The following HTT variants were observed in gnomAD, a reference collection of about 807,000 sequenced individuals.
The protein encoded by HTT is huntingtin.
In HTT, 104 loss-of-function variants were observed where a neutral mutation model predicts 362.3. The ratio of observed to expected loss-of-function variants is 0.29; its 90% CI spans 0.24 to 0.34. HTT has a LOEUF of 0.34. Ranked by LOEUF, HTT falls within the 10% of genes least tolerant of loss-of-function variation. The pLI is 1.00. For missense variants in HTT, 3,301 were observed against 3,928.6 expected (o/e 0.84, Z 4.27); for synonymous variants, 1,577 against 1,548.7 (o/e 1.02, Z -0.43).
In HTT at chr4:3,213,152, G is replaced by A. The variant is rs362332; in HGVS notation, c.6774+443G>A. 194 of 165,528 alleles carry A rather than the reference G, an allele frequency of 1.2e-3. 5 individuals carry two copies. In the East Asian group the frequency reaches 0.027, roughly 23 times the overall value. 10.3% of individuals were successfully genotyped at this position (165,528 alleles called of 1,614,324 possible). A position where few individuals can be genotyped will look rare whatever the true frequency, so the allele number is the denominator to read the frequency against. On this transcript the variant is annotated intron_variant, in intron 49 of 66. Coordinates refer to ENST00000355072, the MANE Select transcript of HTT (RefSeq NM_001388492.1). ...TTAAAGGGCCATCGCTGTGCTGCCT[G>A]CCCTCAGCAAGGACACACTTTGCAG...
chr4:3,106,386 T>C (rs1714424429), intron 5 of HTT, among the ~76,000 whole-genome samples: 1 of 152,168 alleles, frequency 6.6e-6, no homozygotes. Flanking sequence ...AGAACTTATA[T>C]GGCTGCAGAG....
intron 33 of HTT, among the ~76,000 whole-genome samples, chr4:3,176,997 C>T (rs1275097670): frequency 2.0e-5 from 3 of 152,182 alleles, no homozygotes; most frequent in Non-Finnish European, 4.4e-5. Context: ...ATTACTAAAC[C>T]AGTTTCAGGG....
chr4:3,087,128 A>G, intron 2 of HTT, 106 bp downstream of exon 2: 1 of 604,692 alleles, frequency 1.7e-6, no homozygotes, highest in Non-Finnish European at 3.0e-6. Flanking sequence ...TGGATTCAGA[A>G]ATCCATTTAA....
intron 2 of HTT, among the ~76,000 whole-genome samples, chr4:3,090,998 G>A (rs1034127506): frequency 1.3e-5 from 2 of 152,218 alleles, no homozygotes; most frequent in Non-Finnish European, 2.9e-5. Flanking sequence ...TGTAGTCCCA[G>A]CTACTTGGGA....
intron 45 of HTT, 44 bp from the exon 46 acceptor site, chr4:3,208,729 A>C (rs3025825): frequency 0.099 from 151,351 of 1,534,674 alleles, 8,456 homozygotes; most frequent in African/African-American, 0.2. Flanking sequence ...TAAAAAAAAA[A>C]AAAAACAAAT....
At chr4:3,183,568 C>G (rs1041754177) in intron 37 of HTT, among the ~76,000 whole-genome samples, 1 of 152,218 alleles carries the variant, frequency 6.6e-6, no homozygotes, top group East Asian at 1.9e-4. Context: ...GCCTTCATGA[C>G]TGCACCCCCA....
At position 3,074,929 on chromosome 4, in the gene HTT, AGCAG is replaced by A. The variant is rs1712407358; in HGVS notation, c.105_108del (p.Gln35HisfsTer65). The A allele has an allele frequency of 4.2e-6, 6 of 1,418,856 alleles. No individual in the cohort carries two copies. The highest frequency in any genetic ancestry group is 1.3e-5 in the South Asian group (1 of 77,558). The allele number at this position is 1,418,856 out of a possible 1,614,324, so 87.9% of individuals were successfully genotyped here. Reference sequence around the variant, plus strand: ...CAGCAGCAGCAGCAGCAGCAGCAGCAGCAGCAACAGCCGCCACCGCCGCCGCCGC... The same window carrying A: ...CAGCAGCAGCAGCAGCAGCAGCAGCACAACAGCCGCCACCGCCGCCGCCGC... On this transcript the variant is annotated frameshift_variant, in exon 1 of 67. Coordinates refer to ENST00000355072, the MANE Select transcript of HTT (RefSeq NM_001388492.1). LOFTEE classifies it high-confidence loss of function.
At chr4:3,233,807 G>C (rs1721377804) in intron 61 of HTT, among the ~76,000 whole-genome samples, 1 of 152,192 alleles carries the variant, frequency 6.6e-6, no homozygotes, top group African/African-American at 2.4e-5. Flanking sequence ...ACGTGTCCTT[G>C]ACAAAGCACG....
chr4:3,215,312 G>A (rs922948085), intron 51 of HTT, 101 bp downstream of exon 51: 6 of 781,134 alleles, frequency 7.7e-6, no homozygotes, highest in South Asian at 3.3e-5. Flanking sequence ...TCCTGGAAGC[G>A]CACCGTAGCT....
In HTT at chr4:3,218,817, A is replaced by C. The variant is rs371659074; in HGVS notation, c.7242+865A>C. On this transcript the variant is annotated intron_variant, in intron 52 of 66. Coordinates refer to ENST00000355072, the MANE Select transcript of HTT (RefSeq NM_001388492.1). This position sits in a 1 kb window ranked among gnomAD's most constrained non-coding sequence, Gnocchi z 4.4. ...GTTCCTTAGGGCCTGCAGCATCCTC[A>C]GGCAGGAAAGAAAGGCCGACCTGGC... is the stretch of plus-strand genomic sequence containing the variant. Among the ~76,000 whole-genome samples the C allele has an allele frequency of 6.6e-5, 10 of 152,294 alleles. No individual in the cohort carries two copies. The highest frequency in any genetic ancestry group is 2.4e-4 in the African/African-American group (10 of 41,558).
At chr4:3,213,015 A>C (rs980751528) in intron 49 of HTT, 1 of 322,318 alleles carries the variant, frequency 3.1e-6, no homozygotes, top group South Asian at 4.4e-5. Flanking sequence ...TTATGTCTTA[A>C]GTTGGCCTGG....
intron 53 of HTT, among the ~76,000 whole-genome samples, chr4:3,220,751 G>A (rs570838232): frequency 5.9e-5 from 9 of 152,198 alleles, no homozygotes; most frequent in Admixed American, 2.0e-4. Flanking sequence ...CTTGGCACTC[G>A]CCTTCCCCAG....
chr4:3,077,254 G>GGATT (rs1257546011), intron 1 of HTT, among the ~76,000 whole-genome samples: 1 of 151,678 alleles, frequency 6.6e-6, no homozygotes, highest in Non-Finnish European at 1.5e-5. Flanking sequence ...ATTACAAAAG[G>GGATT]GCAATAATTA....
At chr4:3,112,021 T>A (rs1340722740) in intron 6 of HTT, among the ~76,000 whole-genome samples, 1 of 152,242 alleles carries the variant, frequency 6.6e-6, no homozygotes, top group Admixed American at 6.5e-5. Flanking sequence ...CAGTCAGTTA[T>A]GTAGCTCTTG....
intron 1 of HTT, among the ~76,000 whole-genome samples, 188 bp downstream of exon 1, chr4:3,075,276 C>T (rs1251949142): frequency 6.6e-6 from 1 of 152,228 alleles, no homozygotes; most frequent in Non-Finnish European, 1.5e-5. Flanking sequence ...CCCACTTCAG[C>T]CCCGCTCCCT....
At position 3,125,576 on chromosome 4, in the gene HTT, C is replaced by G. The variant is rs545932099; in HGVS notation, c.1349C>G (p.Ala450Gly). The change falls in exon 11 of 67, where the codon GCC becomes GGC. Residue 450 changes from alanine (A) to glycine (G), a missense_variant. Physicochemically the swap from Ala to Gly is moderately conservative, Grantham distance 60. Around this residue, in one of 4 missense-constraint regions of HTT, gnomAD observed 2,316 missense variants for 2,658.5 expected, o/e 0.87. Transcript: ENST00000355072. ...KGKVLLGEEE[A>G]LEDDSESRSD... ...AAAGTGCTCTTAGGAGAAGAAGAAG[C>G]CTTGGAGGATGACTCTGAATCGAGA... 2 of 1,613,596 alleles carry G rather than the reference C, an allele frequency of 1.2e-6. No individual in the cohort carries two copies. Among genetic ancestry groups the G allele is most frequent in the African/African-American group, 2.7e-5 (2 of 74,992 alleles).
chr4:3,182,158 G>A (rs531892248), intron 36 of HTT, among the ~76,000 whole-genome samples, 196 bp from the exon 37 acceptor site: 3 of 152,358 alleles, frequency 2.0e-5, no homozygotes, highest in African/African-American at 7.2e-5. Flanking sequence ...AGGAACTTGT[G>A]TTTCGTTCTG....
chr4:3,239,734 C>T, intron 66 of HTT, 112 bp from the exon 67 acceptor site: 2 of 853,758 alleles, frequency 2.3e-6, no homozygotes, highest in Non-Finnish European at 3.7e-6. Flanking sequence ...TGCTCGCTCT[C>T]CAGGCTCCCT....
chr4:3,224,919 G>T (rs1720838917), intron 56 of HTT, among the ~76,000 whole-genome samples: 1 of 152,288 alleles, frequency 6.6e-6, no homozygotes, highest in East Asian at 1.9e-4. Context: ...GCAATGACCT[G>T]TCATAGAAGG....
Sources: allele counts gnomAD v4.1 joint callset (sites outside exome capture counted in the v4.1 genomes callset), GRCh38; gene constraint gnomAD v4.1.1; regional missense constraint gnomAD v4.1.1; non-coding constraint Gnocchi (gnomAD v3.1); transcripts MANE v1.5; gene names NCBI Gene and HGNC (gene_info 2026-07-23, HGNC 2026-07-21).